The following CELF2 variants were observed in gnomAD, a reference collection of about 807,000 sequenced individuals.
CELF2 encodes the protein CUGBP Elav-like family member 2.
Under a neutral mutation model 62.6 loss-of-function variants are expected in CELF2, and 8 were observed. The observed-to-expected ratio is 0.13, with a 90% CI of 0.07 to 0.23. The LOEUF is 0.23. Among genes scored for constraint, CELF2 ranks in the 10% least tolerant of loss-of-function variants. The pLI, the probability that CELF2 is intolerant of heterozygous loss-of-function variation, is 1.00. For missense variants in CELF2, 333 were observed against 671.0 expected (o/e 0.50, Z 5.56); for synonymous variants, 258 against 250.0 (o/e 1.03, Z -0.30).
Position 11,328,401 on chromosome 10 carries a change from C to T in CELF2, c.1439-525C>T, listed in dbSNP as rs117260104. Among the ~76,000 whole-genome samples the T allele has an allele frequency of 9.1e-4, 138 of 152,224 alleles. No individual in the cohort carries two copies. Among genetic ancestry groups the T allele is most frequent in the Non-Finnish European group, 1.3e-3 (87 of 67,992 alleles). ...ACAGGTGTAGGCTCTGTGTGACAGA[C>T]GATGGAGAGCTCGAGTGACAGGCTG... On this transcript the variant is annotated intron_variant, in intron 12 of 12. Coordinates refer to ENST00000633077, the MANE Select transcript of CELF2 (RefSeq NM_001326342.2). This position sits in a 1 kb window ranked among gnomAD's most constrained non-coding sequence, Gnocchi z 6.4.
intron 7 of CELF2, among the ~76,000 whole-genome samples, chr10:11,272,332 T>C (rs1440757251): frequency 6.6e-6 from 1 of 152,264 alleles, no homozygotes; most frequent in East Asian, 1.9e-4. Flanking sequence ...AAAAGAGAAA[T>C]GAGTCTAGCT....
At chr10:11,292,574 T>A (rs566910414) in intron 9 of CELF2, among the ~76,000 whole-genome samples, 2 of 152,274 alleles carry the variant, frequency 1.3e-5, no homozygotes, top group South Asian at 2.1e-4. Flanking sequence ...TACATAAAAA[T>A]GAGTTGGGGC....
chr10:11,073,510 A>C lies in CELF2; in HGVS notation c.74+55347A>C, dbSNP rs148113173. On this transcript the variant is annotated intron_variant, in intron 1 of 12. Coordinates refer to ENST00000633077, the MANE Select transcript of CELF2 (RefSeq NM_001326342.2). ...GGAATTTTGTTCATATCCAGGCTTA[A>C]TGAATTACTGGCTTGTGATAGTTAT... 1.3e-4 allele frequency among the ~76,000 whole-genome samples: 20 copies of C among 152,348 alleles called. No individual in the cohort carries two copies. In the East Asian group the frequency reaches 3.9e-3, roughly 29 times the overall value.
At chr10:10,920,448 A>C (rs2064783957) in intron 2 of CELF2, among the ~76,000 whole-genome samples, 1 of 152,236 alleles carries the variant, frequency 6.6e-6, no homozygotes, top group Non-Finnish European at 1.5e-5. Flanking sequence ...CTCACATCAT[A>C]GTATTGATAG....
intron 1 of CELF2, among the ~76,000 whole-genome samples, chr10:10,841,942 A>AT (rs2058712119): frequency 6.6e-6 from 1 of 152,066 alleles, no homozygotes; most frequent in African/African-American, 2.4e-5. Flanking sequence ...TTTCCCATTT[A>AT]TTTAAATCCT....
chr10:10,993,871 G>A lies in CELF2; in HGVS notation c.89+73872G>A, dbSNP rs1298929008. ...AGAGTTAATGATGTCATAGGTGTGG[G>A]GCCCCAATCCAGTAGGACTAGTATC... On this transcript the variant is annotated intron_variant, in intron 2 of 13. Coordinates refer to the CELF2 transcript ENST00000636488. This position sits in a 1 kb window ranked among gnomAD's most constrained non-coding sequence, Gnocchi z 5.3. 1.3e-5 allele frequency among the ~76,000 whole-genome samples: 2 copies of A among 152,104 alleles called. No individual in the cohort carries two copies. Among genetic ancestry groups the A allele is most frequent in the Non-Finnish European group, 2.9e-5 (2 of 68,018 alleles).
At chr10:10,719,654 T>C in the CELF2 span, among the ~76,000 whole-genome samples, 10 of 152,162 alleles carry the variant, frequency 6.6e-5, no homozygotes, top group Non-Finnish European at 1.3e-4. Context: ...CTAGAGCCAA[T>C]TGCTCTTCAC....
At chr10:10,610,075 T>C in the CELF2 span, among the ~76,000 whole-genome samples, 1 of 152,254 alleles carries the variant, frequency 6.6e-6, no homozygotes, top group Non-Finnish European at 1.5e-5. Flanking sequence ...CAATATATTT[T>C]GCTATGCACC....
intron 1 of CELF2, among the ~76,000 whole-genome samples, chr10:10,824,609 A>G (rs2057237090): frequency 6.6e-6 from 1 of 152,212 alleles, no homozygotes; most frequent in Admixed American, 6.5e-5. Flanking sequence ...AACCCTATTA[A>G]TGTTGAACCA....
At chr10:11,080,263 C>G (rs921084418) in intron 1 of CELF2, among the ~76,000 whole-genome samples, 31 of 152,304 alleles carry the variant, frequency 2.0e-4, no homozygotes, top group African/African-American at 7.2e-4. Context: ...GTTAGTTCCC[C>G]TTGCTTTTTC....
chr10:11,041,928 TC>T (rs974513621), intron 1 of CELF2, among the ~76,000 whole-genome samples: 13 of 152,226 alleles, frequency 8.5e-5, no homozygotes, highest in African/African-American at 2.7e-4. Flanking sequence ...TGTGATTAGT[TC>T]CATTGTCATG....
At chr10:10,700,213 GAAT>G in the CELF2 span, among the ~76,000 whole-genome samples, 1 of 152,290 alleles carries the variant, frequency 6.6e-6, no homozygotes, top group African/African-American at 2.4e-5. Flanking sequence ...GGAAGAGGCA[GAAT>G]AAGAGACCCA....
At chr10:11,326,366 G>C (rs1031154420) in intron 12 of CELF2, among the ~76,000 whole-genome samples, 1 of 152,238 alleles carries the variant, frequency 6.6e-6, no homozygotes, top group African/African-American at 2.4e-5. Flanking sequence ...CCATTCATCA[G>C]CACCAACACA....
At chr10:10,694,193 G>A in the CELF2 span, among the ~76,000 whole-genome samples, 1 of 151,972 alleles carries the variant, frequency 6.6e-6, no homozygotes, top group African/African-American at 2.4e-5. Context: ...ATGCGTCCCA[G>A]AGATTCTGGT....
At chr10:11,283,243 C>A (rs556031489) in intron 8 of CELF2, among the ~76,000 whole-genome samples, 41 of 152,340 alleles carry the variant, frequency 2.7e-4, no homozygotes, top group African/African-American at 9.4e-4. Context: ...TCAAAGACTT[C>A]AGGGAGGATT....
chr10:11,111,604 A>T (rs554419256), intron 1 of CELF2, among the ~76,000 whole-genome samples: 1 of 152,198 alleles, frequency 6.6e-6, no homozygotes, highest in Admixed American at 6.5e-5. Flanking sequence ...AGAGGATTCT[A>T]AATGCTTGTC....
the CELF2 span, among the ~76,000 whole-genome samples, chr10:10,729,091 T>G: frequency 6.6e-6 from 1 of 152,104 alleles, no homozygotes; most frequent in African/African-American, 2.4e-5. Context: ...CAATGACAGA[T>G]GTAGTTAGCT....
At chr10:11,147,034 A>T (rs2062405342) in intron 1 of CELF2, among the ~76,000 whole-genome samples, 2 of 152,228 alleles carry the variant, frequency 1.3e-5, no homozygotes, top group South Asian at 4.1e-4. Context: ...TTAGAATGAG[A>T]TCAGTGCCTG....
At chr10:10,991,465 G>A (rs2053435629) in intron 2 of CELF2, among the ~76,000 whole-genome samples, 1 of 152,214 alleles carries the variant, frequency 6.6e-6, no homozygotes, top group Admixed American at 6.5e-5. Context: ...CTAAGAGTTG[G>A]GAGAGCTTCA....
Sources: allele counts gnomAD v4.1 joint callset (sites outside exome capture counted in the v4.1 genomes callset), GRCh38; gene constraint gnomAD v4.1.1; non-coding constraint Gnocchi (gnomAD v3.1); transcripts MANE v1.5; gene names NCBI Gene and HGNC (gene_info 2026-07-23, HGNC 2026-07-21).